Variants in GTF3C5 observed in about 807,000 individuals in gnomAD.
GTF3C5 encodes the protein general transcription factor 3C polypeptide 5.
In GTF3C5, 47 loss-of-function variants were observed where a neutral mutation model predicts 61.0. The ratio of observed to expected loss-of-function variants is 0.77; its 90% CI spans 0.61 to 0.98. The LOEUF (loss-of-function observed/expected upper bound fraction) is 0.98. Ranked by LOEUF, GTF3C5 falls within the 50% of genes least tolerant of loss-of-function variation. The pLI is 0.00. For synonymous variants in GTF3C5, 295 were observed against 275.4 expected, an observed-to-expected ratio of 1.07 and a Z score of -0.71; for missense variants, 659 against 703.3, an observed-to-expected ratio of 0.94 and a Z score of 0.71.
intron 9 of GTF3C5, 112 bp from the exon 10 acceptor site, chr9:133,056,654 G>C (rs533968582): frequency 7.9e-6 from 8 of 1,015,352 alleles, no homozygotes; most frequent in Non-Finnish European, 9.8e-6. Context: ...CTTCGCTCAC[G>C]GGGCTGCCTT....
chr9:133,031,045 G>C lies in GTF3C5; in HGVS notation c.34G>C (p.Ala12Pro). Reference sequence around the variant, plus strand: ...GGAGGCGGCCGATTTGGGGCTGGGGGCCGCCGTCCCCGTGGAGCTGAGGCG... The same window carrying C: ...GGAGGCGGCCGATTTGGGGCTGGGGCCCGCCGTCCCCGTGGAGCTGAGGCG... ...AAEAADLGLGAAVPVELRRER... is the reference protein window; with the variant it reads ...AAEAADLGLGPAVPVELRRER... Residue 12 changes from alanine (A) to proline (P), a missense_variant, in exon 1 of 11, where the codon GCC becomes CCC. Coordinates refer to ENST00000372097, the MANE Select transcript of GTF3C5 (RefSeq NM_012087.4). The C allele has an allele frequency of 6.2e-7, 1 of 1,612,146 alleles. No individual in the cohort carries two copies.
chr9:133,048,651 A>C (rs1850279389), intron 3 of GTF3C5, among the ~76,000 whole-genome samples: 2 of 152,312 alleles, frequency 1.3e-5, no homozygotes, highest in South Asian at 4.1e-4. Flanking sequence ...CCTGGGCAAC[A>C]AGAGTGAAAC....
chr9:133,049,384 G>T (rs193108453), intron 3 of GTF3C5, among the ~76,000 whole-genome samples: 1 of 152,220 alleles, frequency 6.6e-6, no homozygotes, highest in Admixed American at 6.5e-5. Context: ...GCCCAGGCTC[G>T]ATCCCGTCTT....
intron 4 of GTF3C5, among the ~76,000 whole-genome samples, chr9:133,051,722 CAGCATGGGGACCCTGGGACTCT>C (rs1850383715): frequency 6.6e-6 from 1 of 152,208 alleles, no homozygotes; most frequent in Non-Finnish European, 1.5e-5. Context: ...TAGATTGGGG[CAGCATGGGGACCCTGGGACTCT>C]AGCATGTGCC....
At position 133,055,112 on chromosome 9, in the gene GTF3C5, C is replaced by T. The variant is rs928210737; in HGVS notation, c.1167+303C>T. 13 of 1,549,862 alleles carry T rather than the reference C, an allele frequency of 8.4e-6. No homozygotes were observed. In the African/African-American group the frequency reaches 1.6e-4, roughly 20 times the overall value. On this transcript the variant is annotated intron_variant, in intron 8 of 10. Coordinates refer to ENST00000372097, the MANE Select transcript of GTF3C5 (RefSeq NM_012087.4). ...TTGGGAGCCTGGGCCCCCACTGAGC[C>T]ACGTGACCACTCCGGGAATGATCGG...
rs759593240 is a variant in GTF3C5 at position 133,054,777 on chromosome 9, C to G, written c.1135C>G (p.Arg379Gly). 6.3e-7 allele frequency: 1 copy of G among 1,582,408 alleles called. No homozygotes were observed. The highest frequency in any genetic ancestry group is 1.2e-5 in the South Asian group (1 of 86,264). The change falls in exon 8 of 11, where the codon CGG (arginine) becomes GGG (glycine). Residue 379 changes from arginine (R) to glycine (G), a missense_variant. Physicochemically the swap from Arg to Gly is moderately radical, Grantham distance 125. Transcript: ENST00000372097. ...GLGPSGTSGA[R>G]KPASSKYKLK... is the part of the protein sequence containing the mutation. ...GGGCCCGTCGGGGACGAGTGGTGCT[C>G]GGAAACCAGCTTCCAGCAAGTACAA...
Position 133,050,804 on chromosome 9 carries a change from C to G in GTF3C5, c.594C>G (p.Pro198=), listed in dbSNP as rs368505787. The change falls in exon 4 of 11, where the codon CCC becomes CCG. Residue 198 remains proline (P), a synonymous_variant. Transcript: ENST00000372097. ...CCAGGGAAGGCTACAACAATCCCCC[C>G]ATCTCAGGTGAGAATCTGATTGGCC... The part of the protein sequence containing the change: ...TQHREGYNNP[P]ISGENLIGLS... 1 of 1,613,568 alleles carries G rather than the reference C, an allele frequency of 6.2e-7. No individual in the cohort carries two copies. The highest frequency in any genetic ancestry group is 1.1e-5 in the South Asian group (1 of 91,034).
At chr9:133,041,397 G>A (rs1850034405) in intron 1 of GTF3C5, among the ~76,000 whole-genome samples, 1 of 152,192 alleles carries the variant, frequency 6.6e-6, no homozygotes, top group South Asian at 2.1e-4. Context: ...TTAGATAGCA[G>A]TAGTAAATTA....
Position 133,051,612 on chromosome 9 carries a change from CT to C in GTF3C5, c.769-447del, listed in dbSNP as rs1390600805. Among the ~76,000 whole-genome samples the C allele has an allele frequency of 5.3e-5, 8 of 152,194 alleles. No homozygotes were observed. In the South Asian group the frequency reaches 8.3e-4, roughly 16 times the overall value. ...TCGTGAGGCCCGCTGCCCCAGCCCC[CT>C]GGCCCTCTACACTCCGGCCACACTG... is the stretch of plus-strand genomic sequence containing the variant. On this transcript the variant is annotated intron_variant, in intron 4 of 10. Coordinates refer to ENST00000372097, the MANE Select transcript of GTF3C5 (RefSeq NM_012087.4).
At chr9:133,038,473 C>T (rs550155030) in intron 1 of GTF3C5, among the ~76,000 whole-genome samples, 5 of 137,162 alleles carry the variant, frequency 3.6e-5, no homozygotes, top group South Asian at 4.7e-4. Flanking sequence ...TTTTTTGAGA[C>T]GGAGTCTGGC....
In GTF3C5 at chr9:133,051,004, C is replaced by T. The variant is rs73662420; in HGVS notation, c.768+26C>T. 2.5e-5 allele frequency: 38 copies of T among 1,538,890 alleles called. 1 individual carries two copies. The highest frequency in any genetic ancestry group is 2.2e-4 in the Middle Eastern group (1 of 4,500). On this transcript the variant is annotated intron_variant, in intron 4 of 10. Transcript: ENST00000372097. ...GCAAGTCCTGCGCTGCGCCTGGCCC[C>T]GGTGGCTCCAGCCTCTCTGTTGGCT...
intron 10 of GTF3C5, among the ~76,000 whole-genome samples, chr9:133,057,539 G>C (rs1829973743): frequency 6.6e-6 from 1 of 152,206 alleles, no homozygotes; most frequent in African/African-American, 2.4e-5. Context: ...AATCAAGGGT[G>C]TGGACCCTTT....
chr9:133,039,894 G>A (rs1849988352), intron 1 of GTF3C5, among the ~76,000 whole-genome samples: 1 of 152,164 alleles, frequency 6.6e-6, no homozygotes, highest in Non-Finnish European at 1.5e-5. Flanking sequence ...ATGGTACAAG[G>A]GGATTTGAAC....
At chr9:133,055,055 G>A (rs1279617339) in intron 8 of GTF3C5, 2 of 1,551,452 alleles carry the variant, frequency 1.3e-6, no homozygotes, top group Non-Finnish European at 1.7e-6. Flanking sequence ...TCTGGCACCA[G>A]CAGCTGCATG....
intron 3 of GTF3C5, 51 bp from the exon 4 acceptor site, chr9:133,050,732 G>C: frequency 7.2e-7 from 1 of 1,383,330 alleles, no homozygotes; most frequent in South Asian, 1.2e-5. Context: ...CCCAGCGGGT[G>C]CCTGGGATGG....
At position 133,056,029 on chromosome 9, in the gene GTF3C5, C is replaced by T. The variant is rs759678432; in HGVS notation, c.1185C>T (p.Phe395=). 1.4e-5 allele frequency: 22 copies of T among 1,614,136 alleles called. No individual in the cohort carries two copies. Among genetic ancestry groups the T allele is most frequent in the Non-Finnish European group, 1.9e-5 (22 of 1,179,984 alleles). The stretch of plus-strand genomic sequence containing the variant: ...GTCACCAGGACTCTGTCTACATCTT[C>T]CGGGAAGGGGCCTTGCCACCCTATC... ...KYKLKDSVYI[F]REGALPPYRQ... The change falls in exon 9 of 11, where the codon TTC becomes TTT. Residue 395 remains phenylalanine, a synonymous_variant. Transcript: ENST00000372097.
Position 133,043,814 on chromosome 9 carries a change from C to G in GTF3C5, c.460C>G (p.Pro154Ala), listed in dbSNP as rs1292851963. 2 of 1,614,110 alleles carry G rather than the reference C, an allele frequency of 1.2e-6. No individual in the cohort carries two copies. The highest frequency in any genetic ancestry group is 2.2e-5 in the South Asian group (2 of 91,082). Residue 154 changes from proline to alanine, a missense_variant, in exon 3 of 11, where the codon CCC (proline) becomes GCC (alanine). Coordinates refer to ENST00000372097, the MANE Select transcript of GTF3C5 (RefSeq NM_012087.4). The stretch of plus-strand genomic sequence containing the variant: ...GTATGACAAGGTGCTCATGCTCCGG[C>G]CCGAGAAGGAGGCCTTTTTCCACCA... ...SMYDKVLMLR[P>A]EKEAFFHQEL...
chr9:133,045,843 G>C (rs145283068), intron 3 of GTF3C5, among the ~76,000 whole-genome samples: 3,029 of 152,110 alleles, frequency 0.02, 120 homozygotes, highest in African/African-American at 0.069. Context: ...CACCATATTG[G>C]CCAGGCTGGT....
chr9:133,037,923 C>T (rs1046419935), intron 1 of GTF3C5, among the ~76,000 whole-genome samples: 3 of 152,108 alleles, frequency 2.0e-5, no homozygotes, highest in East Asian at 1.9e-4. Context: ...CTGTGCTGCT[C>T]GCTCTTCTGG....
Sources: gnomAD v4.1 joint callset for allele counts (sites outside exome capture counted in the v4.1 genomes callset) on GRCh38, gnomAD v4.1.1 for gene constraint, MANE v1.5 for transcripts, NCBI Gene and HGNC (gene_info 2026-07-23, HGNC 2026-07-21) for gene names.